NWD1: variants seen among roughly 807,000 people sequenced by gnomAD.
The protein encoded by NWD1 is NACHT and WD repeat domain containing 1, also known as NACHT domain- and WD repeat-containing protein 1.
Under a neutral mutation model 135.1 loss-of-function variants are expected in NWD1, and 129 were observed. That is an observed-to-expected ratio of 0.96 (90% confidence interval 0.83 to 1.11). NWD1 has a LOEUF of 1.11. Ranked by LOEUF, NWD1 falls within the 50% of genes least tolerant of loss-of-function variation. NWD1 has a pLI of 0.00. For synonymous variants in NWD1, 773 were observed against 786.0 expected, an observed-to-expected ratio of 0.98 and a Z score of 0.28; for missense variants, 1,740 against 1,851.3, an observed-to-expected ratio of 0.94 and a Z score of 1.10.
chr19:16,778,419 G>C (rs1044243919), intron 11 of NWD1, among the ~76,000 whole-genome samples: 1 of 151,526 alleles, frequency 6.6e-6, no homozygotes, highest in Non-Finnish European at 1.5e-5. Flanking sequence ...ACTCAGAGAT[G>C]TCAAAAACAT....
intron 5 of NWD1, among the ~76,000 whole-genome samples, chr19:16,747,930 T>C (rs1968392627): frequency 6.6e-6 from 1 of 152,180 alleles, no homozygotes; most frequent in African/African-American, 2.4e-5. Flanking sequence ...AGTATCCCAT[T>C]GTGTGGAAGG....
In NWD1 at chr19:16,779,510, A is replaced by G. The variant is rs73928647; in HGVS notation, c.2731+45A>G. 24,886 of 1,597,336 alleles carry G rather than the reference A, an allele frequency of 0.016. 3,049 individuals are homozygous for G. The African/African-American group carries it at 0.28, about 18-fold the overall frequency. On this transcript the variant is annotated intron_variant, in intron 12 of 18. Coordinates refer to ENST00000524140, the MANE Select transcript of NWD1 (RefSeq NM_001007525.5). ...CTTTGTGGTCAGCTTCCATAGTGAA[A>G]AGTTGGTTCTCAGAGCCCCTTCCCC...
At position 16,731,516 on chromosome 19, in the gene NWD1, A is replaced by T. The variant is rs990978721; in HGVS notation, c.81+238A>T. On this transcript the variant is annotated intron_variant, in intron 3 of 18. Coordinates refer to ENST00000524140, the MANE Select transcript of NWD1 (RefSeq NM_001007525.5). ...GAGACGGGGTTTCACCATGTTGGCC[A>T]GGATGGTCTTGATCTCTTGACCTTG... Among the ~76,000 whole-genome samples the T allele has an allele frequency of 4.0e-5, 6 of 151,510 alleles. No individual in the cohort carries two copies. The South Asian group carries it at 1.2e-3, about 32-fold the overall frequency.
At position 16,815,249 on chromosome 19, in the gene NWD1, C is replaced by T. The variant is rs1424978079; in HGVS notation, c.*210C>T. 11 of 782,934 alleles carry T rather than the reference C, an allele frequency of 1.4e-5. No individual in the cohort carries two copies. Among genetic ancestry groups the T allele is most frequent in the Non-Finnish European group, 2.4e-5 (10 of 420,024 alleles). 48.5% of individuals were successfully genotyped at this position (782,934 alleles called of 1,614,324 possible). A position where few individuals can be genotyped will look rare whatever the true frequency, so the allele number is the denominator to read the frequency against. ...GGAGCTAGTTGCAGCTGCAGGAGCT[C>T]CCCAGGACTTGGAGTCAGAAAGTGC... On this transcript the variant is annotated 3_prime_UTR_variant, in exon 19 of 19. Coordinates refer to ENST00000524140, the MANE Select transcript of NWD1 (RefSeq NM_001007525.5).
rs765461214 is a variant in NWD1, at chr19:16,744,687, C to G, written c.465C>G (p.Thr155=). 6.5e-7 allele frequency: 1 copy of G among 1,535,964 alleles called. No homozygotes were observed. The highest frequency in any genetic ancestry group is 1.2e-5 in the South Asian group (1 of 84,050). The stretch of plus-strand genomic sequence containing the variant: ...AGGCCCGGAGGCTGGGGCTCATCAC[C>G]CAGGAGCAGTGGCAGCACTACCACC... ...AQEARRLGLI[T]QEQWQHYHRS... Residue 155 remains threonine (T), a synonymous_variant, in exon 5 of 19, where the codon ACC becomes ACG. Transcript: ENST00000524140.
intron 3 of NWD1, among the ~76,000 whole-genome samples, chr19:16,733,143 C>T (rs1272020128): frequency 6.6e-6 from 1 of 151,940 alleles, no homozygotes; most frequent in Non-Finnish European, 1.5e-5. Flanking sequence ...ATCACTTGAA[C>T]CCAGGAGTTT....
chr19:16,738,101 G>A (rs1212722250), intron 4 of NWD1: 2 of 317,424 alleles, frequency 6.3e-6, no homozygotes, highest in African/African-American at 2.2e-5. Context: ...TTGGCACACA[G>A]CCATGTCCAC....
intron 3 of NWD1, among the ~76,000 whole-genome samples, chr19:16,736,209 T>TTTCCTTCCTTCC (rs756580912): frequency 0.38 from 44,039 of 117,108 alleles, 9,557 homozygotes; most frequent in East Asian, 0.79. Context: ...TCCTTCCTTC[T>TTTCCTTCCTTCC]TTCCTTCCTT....
rs556398157 is a variant in NWD1, at chr19:16,817,008, T to A, written c.*1969T>A. The A allele has an allele frequency of 3.9e-4, 60 of 152,268 alleles. No individual in the cohort carries two copies. The highest frequency in any genetic ancestry group is 1.4e-3 in the African/African-American group (58 of 41,560). The allele number at this position is 152,268 out of a possible 1,614,324, so 9.4% of individuals were successfully genotyped here. ...TCGCCATTAAAAATATTAAAAATAA[T>A]GGCAAAAACTGGCTGGGCACAGTGG... On this transcript the variant is annotated 3_prime_UTR_variant, in exon 19 of 19. Coordinates refer to ENST00000524140, the MANE Select transcript of NWD1 (RefSeq NM_001007525.5).
rs1970107767 is a variant in NWD1 at position 16,788,005 on chromosome 19, G to A, written c.2732-977G>A. ...GCACTGTGGGAGGCCGAGGTGGGTA[G>A]ATCACCTGAGGTCAGGAGTTCGAGA... On this transcript the variant is annotated intron_variant, in intron 12 of 18. Transcript: ENST00000524140. Among the ~76,000 whole-genome samples, 4 of 147,450 alleles carry A rather than the reference G, an allele frequency of 2.7e-5. No individual in the cohort carries two copies. The Admixed American group carries it at 2.7e-4, about 10-fold the overall frequency.
chr19:16,774,767 C>T (rs1163802150), intron 11 of NWD1, among the ~76,000 whole-genome samples: 1 of 151,916 alleles, frequency 6.6e-6, no homozygotes, highest in Non-Finnish European at 1.5e-5. Flanking sequence ...CTTCCTTCCT[C>T]TCTTCTATCC....
chr19:16,771,891 G>A (rs939925205), intron 10 of NWD1, among the ~76,000 whole-genome samples: 1 of 150,700 alleles, frequency 6.6e-6, no homozygotes, highest in Non-Finnish European at 1.5e-5. Flanking sequence ...TGCCTCCTGG[G>A]TTCCAGCGAT....
chr19:16,794,677 G>A (rs1411344336), intron 15 of NWD1, 124 bp downstream of exon 15: 2 of 689,130 alleles, frequency 2.9e-6, no homozygotes, highest in East Asian at 5.5e-5. Context: ...TCTGCCAAAT[G>A]GCCTCATAGT....
chr19:16,793,738 G>C (rs113345219), intron 14 of NWD1, among the ~76,000 whole-genome samples: 1 of 151,372 alleles, frequency 6.6e-6, no homozygotes, highest in Non-Finnish European at 1.5e-5. Context: ...CACCACGCCC[G>C]GCTAATTTTT....
In NWD1 at chr19:16,749,700, A is replaced by C. The variant is rs771829279; in HGVS notation, c.1058A>C (p.Lys353Thr). 1 of 1,601,948 alleles carries C rather than the reference A, an allele frequency of 6.2e-7. No individual in the cohort carries two copies. The highest frequency in any genetic ancestry group is 2.2e-5 in the East Asian group (1 of 44,720). ...PGIGKTALMC[K>T]LAEQMPRLLG... is the part of the protein sequence containing the mutation. ...ATTGGAAAGACAGCCCTGATGTGCA[A>C]GCTGGCTGAGCAGATGCCAAGGCTG... Residue 353 changes from lysine to threonine, a missense_variant, in exon 6 of 19, where the codon AAG becomes ACG. Lys to Thr is a moderately conservative substitution (Grantham distance 78, BLOSUM62 -1). Transcript: ENST00000524140.
At chr19:16,783,746 TA>T in intron 12 of NWD1, among the ~76,000 whole-genome samples, 1 of 151,470 alleles carries the variant, frequency 6.6e-6, no homozygotes, top group African/African-American at 2.4e-5. Flanking sequence ...AATAAACAAA[TA>T]AATACAATTT....
chr19:16,730,807 T>C (rs1967526416), intron 2 of NWD1, among the ~76,000 whole-genome samples: 2 of 152,114 alleles, frequency 1.3e-5, no homozygotes, highest in South Asian at 4.2e-4. Flanking sequence ...GGTGGGAAGA[T>C]GGCTTGAGTC....
chr19:16,814,111 GA>G (rs1234533543), intron 18 of NWD1, among the ~76,000 whole-genome samples: 4 of 152,132 alleles, frequency 2.6e-5, no homozygotes, highest in African/African-American at 9.7e-5. Context: ...AGTGAGCCAT[GA>G]TAGCACCATT....
At chr19:16,806,312 C>G (rs1970744024) in intron 17 of NWD1, among the ~76,000 whole-genome samples, 2 of 152,076 alleles carry the variant, frequency 1.3e-5, no homozygotes. Context: ...TGGGAATTGC[C>G]CACTGATGAA....
Sources: allele counts gnomAD v4.1 joint callset (sites outside exome capture counted in the v4.1 genomes callset), GRCh38; gene constraint gnomAD v4.1.1; transcripts MANE v1.5; gene names NCBI Gene and HGNC (gene_info 2026-07-23, HGNC 2026-07-21).